CCDC171: variants seen among roughly 807,000 people sequenced by gnomAD.
CCDC171 encodes coiled-coil domain containing 171, also known as coiled-coil domain-containing protein 171.
CCDC171 carries 177 observed loss-of-function variants against 168.2 expected under a neutral mutation model. The observed-to-expected ratio is 1.05, with a 90% CI of 0.93 to 1.19. CCDC171 has a LOEUF of 1.19. CCDC171 is among the 50% of genes most tolerant of loss of function. CCDC171 has a pLI of 0.00. For synonymous variants in CCDC171, 687 were observed against 540.8 expected (o/e 1.27, Z -3.75); for missense variants, 1,991 against 1,539.0 (o/e 1.29, Z -4.91).
At chr9:15,651,308 CAT>C (rs1002537110) in intron 7 of CCDC171, among the ~76,000 whole-genome samples, 1 of 152,030 alleles carries the variant, frequency 6.6e-6, no homozygotes, top group Non-Finnish European at 1.5e-5. Context: ...AGGGTTTTGC[CAT>C]GTTGGCCAGC....
At chr9:16,032,315 C>T (rs1887666) in intron 6 of CCDC171, among the ~76,000 whole-genome samples, 56,119 of 151,800 alleles carry the variant, frequency 0.37, 12,168 homozygotes, top group East Asian at 0.63. Flanking sequence ...AATAACCTGA[C>T]ACCTGAGGGG....
chr9:15,789,277 T>C (rs1349225831), intron 21 of CCDC171, among the ~76,000 whole-genome samples: 1 of 152,120 alleles, frequency 6.6e-6, no homozygotes, highest in African/African-American at 2.4e-5. Flanking sequence ...ATACAAACTT[T>C]CCAAAATGCA....
chr9:15,665,914 G>A (rs774248957), intron 8 of CCDC171, among the ~76,000 whole-genome samples: 3 of 152,098 alleles, frequency 2.0e-5, no homozygotes, highest in Admixed American at 6.5e-5. Context: ...GATAGAATGG[G>A]TTATATTGTA....
At chr9:15,851,438 G>GC (rs71325939) in intron 23 of CCDC171, among the ~76,000 whole-genome samples, 132,022 of 151,644 alleles carry the variant, frequency 0.87, 57,531 homozygotes, top group East Asian at 0.99. Flanking sequence ...TTTTGGGGGG[G>GC]AATTTCAAGT....
At chr9:15,906,680 A>G (rs1822683083) in intron 24 of CCDC171, among the ~76,000 whole-genome samples, 1 of 152,208 alleles carries the variant, frequency 6.6e-6, no homozygotes, top group African/African-American at 2.4e-5. Flanking sequence ...CAGGGCAATC[A>G]GGCAGGAGAA....
the CCDC171 span, among the ~76,000 whole-genome samples, chr9:16,104,663 T>A: frequency 6.6e-6 from 1 of 151,696 alleles, no homozygotes; most frequent in Admixed American, 6.6e-5. Flanking sequence ...TCATCATCCA[T>A]CCATCCATTC....
intron 3 of CCDC171, among the ~76,000 whole-genome samples, chr9:15,990,170 G>A (rs1455685780): frequency 1.3e-5 from 2 of 152,148 alleles, no homozygotes; most frequent in Admixed American, 1.3e-4. Flanking sequence ...GTTAAGGGCA[G>A]CCAGAGAGAA....
At chr9:15,731,405 A>G (rs981424567) in intron 16 of CCDC171, among the ~76,000 whole-genome samples, 1 of 152,108 alleles carries the variant, frequency 6.6e-6, no homozygotes, top group African/African-American at 2.4e-5. Flanking sequence ...GATGCCTGTC[A>G]TGTAGATTAG....
chr9:15,854,896 CTT>C (rs1231946678), intron 23 of CCDC171, among the ~76,000 whole-genome samples: 1 of 151,602 alleles, frequency 6.6e-6, no homozygotes, highest in Non-Finnish European at 1.5e-5. Context: ...ATTTTCCACA[CTT>C]TATTTTTGCT....
intron 3 of CCDC171, among the ~76,000 whole-genome samples, chr9:15,987,646 A>G (rs983682776): frequency 8.1e-5 from 12 of 148,704 alleles, no homozygotes; most frequent in Non-Finnish European, 1.6e-4. Flanking sequence ...CTGTTAAAGG[A>G]GTGAGATGGA....
At chr9:16,088,577 CAG>C in the CCDC171 span, among the ~76,000 whole-genome samples, 1 of 151,976 alleles carries the variant, frequency 6.6e-6, no homozygotes, top group African/African-American at 2.4e-5. Context: ...ACACCAATAA[CAG>C]AGACCAAATC....
At chr9:16,067,858 T>G in the CCDC171 span, among the ~76,000 whole-genome samples, 1,936 of 152,274 alleles carry the variant, frequency 0.013, 34 homozygotes, top group African/African-American at 0.044. Flanking sequence ...CTGTTTTGGT[T>G]ACTGTAGCCT....
rs561833600 is a variant in CCDC171 at position 15,719,728 on chromosome 9, C to T, written c.1319-2041C>T. Among the ~76,000 whole-genome samples the T allele has an allele frequency of 3.9e-5, 6 of 152,248 alleles. No individual in the cohort carries two copies. In the East Asian group the frequency reaches 7.7e-4, roughly 20 times the overall value. ...GGCATTTTGTCCCATTACTCTTCAG[C>T]ACTCATATTAAGATGATTTTATTCT... On this transcript the variant is annotated intron_variant, in intron 11 of 25. Coordinates refer to ENST00000380701, the MANE Select transcript of CCDC171 (RefSeq NM_173550.4).
chr9:15,868,963 A>T (rs1399329616), intron 23 of CCDC171, among the ~76,000 whole-genome samples: 1 of 152,052 alleles, frequency 6.6e-6, no homozygotes, highest in African/African-American at 2.4e-5. Context: ...ATCTATGCAC[A>T]TCCTTCTGTA....
intron 9 of CCDC171, 97 bp downstream of exon 9, chr9:15,666,420 C>G: frequency 1.3e-6 from 1 of 772,406 alleles, no homozygotes. Flanking sequence ...GATATAGCTC[C>G]CATTAATGTC....
At chr9:15,831,555 G>A (rs981508911) in intron 21 of CCDC171, among the ~76,000 whole-genome samples, 2 of 152,138 alleles carry the variant, frequency 1.3e-5, no homozygotes, top group Non-Finnish European at 2.9e-5. Context: ...CAGTGCAATA[G>A]GAAAGATTTA....
At chr9:15,742,635 G>A (rs577552221) in intron 16 of CCDC171, among the ~76,000 whole-genome samples, 5 of 152,178 alleles carry the variant, frequency 3.3e-5, no homozygotes, top group Admixed American at 1.3e-4. Context: ...TGGTCTTTAT[G>A]TGGAGTTCTG....
At chr9:15,646,774 A>G (rs2047075684) in intron 7 of CCDC171, among the ~76,000 whole-genome samples, 1 of 152,190 alleles carries the variant, frequency 6.6e-6, no homozygotes, top group South Asian at 2.1e-4. Flanking sequence ...ACCTACAAAA[A>G]GACTTAGACT....
chr9:15,956,936 T>C (rs959484311), intron 25 of CCDC171, among the ~76,000 whole-genome samples: 2 of 152,104 alleles, frequency 1.3e-5, no homozygotes, highest in African/African-American at 4.8e-5. Context: ...AATTGGTTGT[T>C]AATATTAAGT....
Sources: allele counts gnomAD v4.1 joint callset (sites outside exome capture counted in the v4.1 genomes callset), GRCh38; gene constraint gnomAD v4.1.1; transcripts MANE v1.5; gene names NCBI Gene and HGNC (gene_info 2026-07-23, HGNC 2026-07-21).